Variants in RBFOX1 observed in about 807,000 individuals in gnomAD.
The protein encoded by RBFOX1 is RNA binding protein fox-1 homolog 1.
RBFOX1 carries 8 observed loss-of-function variants against 57.7 expected under a neutral mutation model. The observed-to-expected ratio is 0.14, with a 90% CI of 0.08 to 0.25. The LOEUF is 0.25. RBFOX1 is among the 10% of genes least tolerant of loss of function. The pLI is 1.00. For missense variants in RBFOX1, 611 were observed against 548.5 expected, an observed-to-expected ratio of 1.11 and a Z score of -1.14; for synonymous variants, 326 against 222.4, an observed-to-expected ratio of 1.47 and a Z score of -4.15.
At chr16:5,382,477 T>C (rs2066155400) in intron 1 of RBFOX1, among the ~76,000 whole-genome samples, 1 of 152,180 alleles carries the variant, frequency 6.6e-6, no homozygotes, top group African/African-American at 2.4e-5. Flanking sequence ...TAATGGAACT[T>C]CTGGAAAGTA....
In RBFOX1 at chr16:7,189,365, G is replaced by C. The variant is rs1441098324; in HGVS notation, c.27+137267G>C. Among the ~76,000 whole-genome samples, 6 of 145,678 alleles carry C rather than the reference G, an allele frequency of 4.1e-5. No individual in the cohort carries two copies. In the East Asian group the frequency reaches 1.3e-3, roughly 31 times the overall value. On this transcript the variant is annotated intron_variant, in intron 4 of 15. Coordinates refer to ENST00000550418, the MANE Select transcript of RBFOX1 (RefSeq NM_018723.4). Reference sequence around the variant, plus strand: ...GGTGTGAACCCGGGAGGTGGAGCTTGCAGTGAGCTGAGATCGCGCCACTGC... The same window carrying C: ...GGTGTGAACCCGGGAGGTGGAGCTTCCAGTGAGCTGAGATCGCGCCACTGC...
chr16:6,523,864 A>G (rs2096542291), intron 2 of RBFOX1, among the ~76,000 whole-genome samples: 1 of 152,148 alleles, frequency 6.6e-6, no homozygotes, highest in South Asian at 2.1e-4. Context: ...AGTTTTTTAT[A>G]TTTAATTTTT....
chr16:7,058,670 A>G (rs1043990746), intron 4 of RBFOX1, among the ~76,000 whole-genome samples: 2 of 152,294 alleles, frequency 1.3e-5, no homozygotes, highest in Admixed American at 6.5e-5. Context: ...GTTGTTAGAA[A>G]AGTGTCTGGA....
intron 3 of RBFOX1, among the ~76,000 whole-genome samples, chr16:6,665,415 A>G (rs1358059382): frequency 1.3e-5 from 2 of 152,160 alleles, no homozygotes; most frequent in Non-Finnish European, 2.9e-5. Flanking sequence ...AGAGTTGGAG[A>G]CCAGCCAGGA....
chr16:7,442,629 T>C (rs1482419506), intron 4 of RBFOX1, among the ~76,000 whole-genome samples: 2 of 152,088 alleles, frequency 1.3e-5, no homozygotes, highest in Non-Finnish European at 2.9e-5. Context: ...CTGCTAAATT[T>C]TTGATAGGAT....
At chr16:7,029,059 T>TAC (rs2041885455) in intron 3 of RBFOX1, among the ~76,000 whole-genome samples, 1 of 30,242 alleles carries the variant, frequency 3.3e-5, no homozygotes, top group Non-Finnish European at 5.0e-5. Flanking sequence ...TATATATATA[T>TAC]ATATATATAT....
chr16:7,064,511 G>A (rs1278602141), intron 4 of RBFOX1, among the ~76,000 whole-genome samples: 3 of 151,958 alleles, frequency 2.0e-5, no homozygotes, highest in African/African-American at 2.4e-5. Flanking sequence ...ACATAGACAC[G>A]CACAAAGGGC....
intron 3 of RBFOX1, among the ~76,000 whole-genome samples, chr16:6,955,941 G>A (rs763711268): frequency 4.7e-5 from 7 of 150,208 alleles, no homozygotes; most frequent in Non-Finnish European, 8.8e-5. Flanking sequence ...CCTGTCCGCA[G>A]GTGATCCAAC....
chr16:5,433,234 G>A (rs1400611028), intron 1 of RBFOX1, among the ~76,000 whole-genome samples: 1 of 152,252 alleles, frequency 6.6e-6, no homozygotes, highest in Middle Eastern at 3.4e-3. Context: ...CTGTTACGGT[G>A]CAGGAGGAGT....
At chr16:5,875,280 C>G (rs1182384591) in intron 4 of RBFOX1, among the ~76,000 whole-genome samples, 3 of 152,104 alleles carry the variant, frequency 2.0e-5, no homozygotes, top group Admixed American at 6.5e-5. Flanking sequence ...TGTAGGTTGG[C>G]CAAACTTACT....
At chr16:6,824,682 AAAT>A (rs1454714965) in intron 3 of RBFOX1, among the ~76,000 whole-genome samples, 6 of 152,172 alleles carry the variant, frequency 3.9e-5, no homozygotes, top group African/African-American at 2.4e-5. Flanking sequence ...CACTACCTTG[AAAT>A]AATAATGTTT....
intron 4 of RBFOX1, among the ~76,000 whole-genome samples, chr16:7,157,913 G>T (rs1276920332): frequency 6.6e-6 from 1 of 152,158 alleles, no homozygotes; most frequent in African/African-American, 2.4e-5. Flanking sequence ...GACTTCCGAG[G>T]AGCTGTGTTT....
chr16:7,415,757 C>A (rs1268936459), intron 4 of RBFOX1, among the ~76,000 whole-genome samples: 2 of 149,452 alleles, frequency 1.3e-5, no homozygotes, highest in Non-Finnish European at 2.9e-5. Context: ...CGTTAATTTT[C>A]CAGTGCAGGA....
At chr16:5,778,692 T>C (rs1051848345) in intron 3 of RBFOX1, among the ~76,000 whole-genome samples, 2 of 152,124 alleles carry the variant, frequency 1.3e-5, no homozygotes, top group African/African-American at 4.8e-5. Flanking sequence ...TCTCATACTA[T>C]TTAGGGTGGG....
intron 4 of RBFOX1, among the ~76,000 whole-genome samples, chr16:7,293,069 G>C (rs1356283790): frequency 1.3e-5 from 2 of 152,146 alleles, no homozygotes; most frequent in Non-Finnish European, 2.9e-5. Flanking sequence ...CACTAGAATA[G>C]CCAAATGTCA....
At chr16:7,128,080 C>G (rs1347943431) in intron 4 of RBFOX1, among the ~76,000 whole-genome samples, 1 of 152,150 alleles carries the variant, frequency 6.6e-6, no homozygotes, top group Non-Finnish European at 1.5e-5. Flanking sequence ...AATGGGGGCT[C>G]AAGTGATGCA....
intron 4 of RBFOX1, among the ~76,000 whole-genome samples, chr16:7,515,742 A>T (rs1046033831): frequency 6.6e-6 from 1 of 152,114 alleles, no homozygotes; most frequent in South Asian, 2.1e-4. Context: ...CGTCACTGGG[A>T]CTCAGTAGAA....
intron 3 of RBFOX1, among the ~76,000 whole-genome samples, chr16:5,771,940 G>A (rs188131968): frequency 1.3e-5 from 2 of 152,114 alleles, no homozygotes. Context: ...TTGGGAGGTC[G>A]AGGGGGGTGG....
intron 2 of RBFOX1, among the ~76,000 whole-genome samples, chr16:5,566,074 G>A (rs1016581652): frequency 3.3e-5 from 5 of 151,990 alleles, no homozygotes; most frequent in African/African-American, 7.3e-5. Flanking sequence ...TTCGCCTTTC[G>A]CCATGATTAT....
Sources: gnomAD v4.1 joint callset for allele counts (sites outside exome capture counted in the v4.1 genomes callset) on GRCh38, gnomAD v4.1.1 for gene constraint, MANE v1.5 for transcripts, NCBI Gene and HGNC (gene_info 2026-07-23, HGNC 2026-07-21) for gene names.